Variants in TCF4 observed in about 807,000 individuals in gnomAD.
The protein encoded by TCF4 is transcription factor 4.
In TCF4, 3 loss-of-function variants were observed where a neutral mutation model predicts 82.1. The observed-to-expected ratio is 0.04, with a 90% CI of 0.02 to 0.09. The LOEUF (loss-of-function observed/expected upper bound fraction) is 0.09, where lower values mean the gene tolerates loss of function less well. Ranked by LOEUF, TCF4 falls within the 10% of genes least tolerant of loss-of-function variation. TCF4 has a pLI of 1.00. For missense variants in TCF4, 518 were observed against 852.7 expected (o/e 0.61, Z 4.89); for synonymous variants, 276 against 309.6 (o/e 0.89, Z 1.14).
intron 13 of TCF4, 52 bp downstream of exon 13, chr18:55,259,897 G>T: frequency 6.9e-7 from 1 of 1,458,032 alleles, no homozygotes; most frequent in Non-Finnish European, 9.6e-7. Context: ...TACAAGGGGG[G>T]AATCATTCTT....
chr18:55,518,673 A>T (rs983506472), intron 3 of TCF4, among the ~76,000 whole-genome samples: 1 of 152,214 alleles, frequency 6.6e-6, no homozygotes, highest in African/African-American at 2.4e-5. Flanking sequence ...GAAATATGAA[A>T]ATTGTGTGAA....
intron 8 of TCF4, among the ~76,000 whole-genome samples, chr18:55,312,844 T>G (rs2072976875): frequency 6.6e-6 from 1 of 151,522 alleles, no homozygotes; most frequent in Non-Finnish European, 1.5e-5. Flanking sequence ...GTTACCTTAT[T>G]TAAGTTTTTA....
At chr18:55,486,926 T>C (rs1375269403) in intron 3 of TCF4, among the ~76,000 whole-genome samples, 1 of 152,156 alleles carries the variant, frequency 6.6e-6, no homozygotes, top group Non-Finnish European at 1.5e-5. Flanking sequence ...GCACGTCTCA[T>C]AATAAGGACC....
At chr18:55,578,881 A>G (rs1003397839) in intron 3 of TCF4, among the ~76,000 whole-genome samples, 2 of 152,082 alleles carry the variant, frequency 1.3e-5, no homozygotes, top group African/African-American at 4.8e-5. Flanking sequence ...AAAGTACAAA[A>G]GCACCCATTT....
chr18:55,588,283 C>T, upstream of TCF4: 1 of 1,443,786 alleles, frequency 6.9e-7, no homozygotes, highest in Non-Finnish European at 9.1e-7. Flanking sequence ...GGGAAACACG[C>T]CGAGGCGCAC....
At chr18:55,350,771 T>A in intron 7 of TCF4, 103 bp downstream of exon 7, 1 of 1,536,356 alleles carries the variant, frequency 6.5e-7, no homozygotes, top group African/African-American at 1.4e-5. Context: ...TATGGTTTTC[T>A]TGGGGTGGGA....
chr18:55,349,551 TG>T (rs2081909496), intron 8 of TCF4, among the ~76,000 whole-genome samples: 1 of 151,124 alleles, frequency 6.6e-6, no homozygotes. Context: ...CAAGGAAGAA[TG>T]AAAAAAAGGA....
chr18:55,486,183 G>A (rs2096511902), intron 3 of TCF4, among the ~76,000 whole-genome samples: 1 of 152,122 alleles, frequency 6.6e-6, no homozygotes, highest in Admixed American at 6.5e-5. Flanking sequence ...ACTAATACAG[G>A]GAAAAAGTTT....
Position 55,299,176 on chromosome 18 carries a change from C to T in TCF4, c.550-19520G>A, listed in dbSNP as rs577930572. ...CTATAATCCCAGCACTTTGGGAGGC[C>T]GAGGTGGGCGGATCACTTGAGGTCA... is the stretch of plus-strand genomic sequence containing the variant. On this transcript the variant is annotated intron_variant, in intron 8 of 19. Coordinates refer to ENST00000354452, the MANE Select transcript of TCF4 (RefSeq NM_001083962.2). 5.3e-5 allele frequency among the ~76,000 whole-genome samples: 8 copies of T among 152,060 alleles called. No homozygotes were observed. The South Asian group carries it at 1.5e-3, about 28-fold the overall frequency.
chr18:55,554,335 AATTT>A (rs1413560229), intron 3 of TCF4, among the ~76,000 whole-genome samples: 9 of 152,098 alleles, frequency 5.9e-5, no homozygotes, highest in South Asian at 2.1e-4. Flanking sequence ...GAAAAAATTT[AATTT>A]ATTAATAAAC....
At chr18:55,293,612 A>C (rs2065648687) in intron 8 of TCF4, among the ~76,000 whole-genome samples, 1 of 152,214 alleles carries the variant, frequency 6.6e-6, no homozygotes, top group African/African-American at 2.4e-5. Context: ...TTCATTTGAA[A>C]AATGTAGTTC....
intron 3 of TCF4, among the ~76,000 whole-genome samples, chr18:55,497,284 T>G (rs573250618): frequency 1.3e-5 from 2 of 152,210 alleles, no homozygotes; most frequent in African/African-American, 2.4e-5. Flanking sequence ...CAAAAACATT[T>G]ATTTTATAAA....
intron 3 of TCF4, among the ~76,000 whole-genome samples, chr18:55,480,398 C>T (rs528828975): frequency 4.6e-5 from 7 of 150,996 alleles, no homozygotes; most frequent in South Asian, 2.1e-4. Context: ...TAAAATAGGA[C>T]GCTTTCTCTC....
chr18:55,546,378 G>A (rs1325277229), intron 3 of TCF4, among the ~76,000 whole-genome samples: 4 of 152,034 alleles, frequency 2.6e-5, no homozygotes, highest in Non-Finnish European at 5.9e-5. Flanking sequence ...AAATACAGAT[G>A]TAGAAACAAG....
chr18:55,428,264 C>T (rs2095063383), intron 5 of TCF4, among the ~76,000 whole-genome samples: 1 of 152,204 alleles, frequency 6.6e-6, no homozygotes, highest in Non-Finnish European at 1.5e-5. Flanking sequence ...TCCCTTCTCT[C>T]CCAGTCCCTG....
chr18:55,415,907 CTG>C (rs756672713), intron 5 of TCF4, among the ~76,000 whole-genome samples: 36 of 152,162 alleles, frequency 2.4e-4, no homozygotes, highest in Non-Finnish European at 3.5e-4. Context: ...ATGTATATTT[CTG>C]TGTGTCTTAT....
chr18:55,537,572 G>A (rs1326680906), intron 3 of TCF4, among the ~76,000 whole-genome samples: 1 of 102,202 alleles, frequency 9.8e-6, no homozygotes, highest in African/African-American at 2.7e-5. Flanking sequence ...CAGCCTGAGT[G>A]AGAGTGAGAC....
At chr18:55,368,411 A>G (rs1287679803) in intron 6 of TCF4, among the ~76,000 whole-genome samples, 1 of 152,040 alleles carries the variant, frequency 6.6e-6, no homozygotes, top group East Asian at 1.9e-4. Context: ...ACAATAACAA[A>G]AAGTCATGAG....
At chr18:55,512,795 G>T (rs1311628662) in intron 3 of TCF4, among the ~76,000 whole-genome samples, 1 of 151,922 alleles carries the variant, frequency 6.6e-6, no homozygotes, top group Non-Finnish European at 1.5e-5. Context: ...AAAATAAAAA[G>T]TTAAAAAAAT....
Sources: gnomAD v4.1 joint callset for allele counts (sites outside exome capture counted in the v4.1 genomes callset) on GRCh38, gnomAD v4.1.1 for gene constraint, MANE v1.5 for transcripts, NCBI Gene and HGNC (gene_info 2026-07-23, HGNC 2026-07-21) for gene names.